The following ARHGEF7 variants were observed in gnomAD, a reference collection of about 807,000 sequenced individuals.
ARHGEF7 encodes PAK-interacting exchange factor beta.
ARHGEF7 carries 33 observed loss-of-function variants against 109.8 expected under a neutral mutation model. The ratio of observed to expected loss-of-function variants is 0.30; its 90% CI spans 0.23 to 0.40. The LOEUF (loss-of-function observed/expected upper bound fraction) is 0.40, where lower values mean the gene tolerates loss of function less well. Among genes scored for constraint, ARHGEF7 ranks in the 10% least tolerant of loss-of-function variants. The pLI is 1.00. For missense variants in ARHGEF7, 938 were observed against 1,098.5 expected, an observed-to-expected ratio of 0.85 and a Z score of 2.07; for synonymous variants, 458 against 424.6, an observed-to-expected ratio of 1.08 and a Z score of -0.97.
At chr13:111,172,026 C>T (rs963866840) in intron 2 of ARHGEF7, among the ~76,000 whole-genome samples, 1 of 152,160 alleles carries the variant, frequency 6.6e-6, no homozygotes, top group Admixed American at 6.5e-5. Context: ...ATGAGCCGCC[C>T]AGGTTATGGT....
intron 2 of ARHGEF7, among the ~76,000 whole-genome samples, chr13:111,176,548 C>T (rs1200325317): frequency 1.3e-5 from 2 of 152,164 alleles, no homozygotes; most frequent in Non-Finnish European, 2.9e-5. Flanking sequence ...ACCCACGTAG[C>T]CCCTGCCTGC....
rs553245500 is a variant in ARHGEF7, at chr13:111,152,639, G to A, written c.166-1266G>A. ...TTCCTGAGTAGCCTGGTGAAATGTCGTGATTTTCTCCTACAGTACAGAAGG... is the reference window on the plus strand; with the variant it reads ...TTCCTGAGTAGCCTGGTGAAATGTCATGATTTTCTCCTACAGTACAGAAGG... On this transcript the variant is annotated intron_variant, in intron 1 of 21. Coordinates refer to ENST00000646102, the MANE Select transcript of ARHGEF7 (RefSeq NM_001354046.2). Among the ~76,000 whole-genome samples the A allele has an allele frequency of 5.1e-4, 78 of 152,214 alleles. 7 individuals carry two copies. The highest frequency in any genetic ancestry group is 1.5e-5 in the Non-Finnish European group (1 of 68,010).
At position 111,175,574 on chromosome 13, in the gene ARHGEF7, G is replaced by T. The variant is rs551994039; in HGVS notation, c.252+21583G>T. 2.6e-5 allele frequency among the ~76,000 whole-genome samples: 4 copies of T among 152,328 alleles called. No homozygotes were observed. The East Asian group carries it at 7.7e-4, about 29-fold the overall frequency. On this transcript the variant is annotated intron_variant, in intron 2 of 21. Transcript: ENST00000646102. ...GGGGTGAGTGAGCTTTTGGGGGAAGGACTGGAGGCCCCAGGGGCGGGCCTC... is the reference window on the plus strand; with the variant it reads ...GGGGTGAGTGAGCTTTTGGGGGAAGTACTGGAGGCCCCAGGGGCGGGCCTC...
intron 18 of ARHGEF7, among the ~76,000 whole-genome samples, chr13:111,291,458 C>T (rs564854118): frequency 7.2e-5 from 11 of 152,376 alleles, no homozygotes; most frequent in Admixed American, 2.6e-4. Flanking sequence ...AGCTCCAGCG[C>T]GCCCTGGGAG....
rs2091620499 is a variant in ARHGEF7 at position 111,266,178 on chromosome 13, GAC to G, written c.951-1368_951-1367del. Among the ~76,000 whole-genome samples, 1 of 152,158 alleles carries G rather than the reference GAC, an allele frequency of 6.6e-6. No homozygotes were observed. Among genetic ancestry groups the G allele is most frequent in the African/African-American group, 2.4e-5 (1 of 41,436 alleles). ...AATGCTCACGGTTGACTCAGATGGA[GAC>G]AGTTAGAGGAAGCGATTTCCACCCC... On this transcript the variant is annotated intron_variant, in intron 8 of 21. Transcript: ENST00000646102. This position sits in a 1 kb window ranked among gnomAD's most constrained non-coding sequence, Gnocchi z 4.8.
In ARHGEF7 at chr13:111,274,671, T is replaced by C. The variant is rs75191927; in HGVS notation, c.1213-60T>C. On this transcript the variant is annotated intron_variant, in intron 10 of 21. Coordinates refer to ENST00000646102, the MANE Select transcript of ARHGEF7 (RefSeq NM_001354046.2). ...AAGTTTCAAGCTGGTCTGTAGAAAG[T>C]ACCTTTTTAAGAAAAGCTTTTCCTT... is the stretch of plus-strand genomic sequence containing the variant. 2.2e-4 allele frequency: 234 copies of C among 1,070,502 alleles called. No individual in the cohort carries two copies. The East Asian group carries it at 6.3e-3, about 29-fold the overall frequency. 66.3% of individuals were successfully genotyped at this position (1,070,502 alleles called of 1,614,324 possible).
At chr13:111,208,957 G>T (rs2082192229) in intron 3 of ARHGEF7, among the ~76,000 whole-genome samples, 1 of 152,204 alleles carries the variant, frequency 6.6e-6, no homozygotes, top group African/African-American at 2.4e-5. Context: ...CATCCTAAAT[G>T]TGTCAAGAGC....
intron 2 of ARHGEF7, among the ~76,000 whole-genome samples, chr13:111,161,396 G>A (rs925407104): frequency 1.3e-5 from 2 of 152,180 alleles, no homozygotes; most frequent in Admixed American, 6.5e-5. Flanking sequence ...CCCCTTTCCT[G>A]GGTTGCTGTC....
chr13:111,296,315 CAT>C (rs781490863), intron 19 of ARHGEF7, among the ~76,000 whole-genome samples: 5 of 152,200 alleles, frequency 3.3e-5, no homozygotes, highest in African/African-American at 1.2e-4. Context: ...TGTTAACACA[CAT>C]GTGTACCAGC....
intron 8 of ARHGEF7, among the ~76,000 whole-genome samples, chr13:111,248,212 T>C (rs1463471864): frequency 3.3e-5 from 5 of 152,180 alleles, no homozygotes; most frequent in African/African-American, 9.7e-5. Context: ...TTGAAGGATA[T>C]TGCTCCACTG....
chr13:111,238,562 ATATAAT>A (rs1226838096), intron 6 of ARHGEF7, among the ~76,000 whole-genome samples: 1 of 152,204 alleles, frequency 6.6e-6, no homozygotes, highest in Non-Finnish European at 1.5e-5. Flanking sequence ...TGGCCTGATC[ATATAAT>A]TAAAAGAGAC....
At position 111,241,409 on chromosome 13, in the gene ARHGEF7, C is replaced by T. The variant is rs1195312359; in HGVS notation, c.760-2463C>T. The T allele has an allele frequency of 1.2e-5, 18 of 1,477,972 alleles. No individual in the cohort carries two copies. In the Admixed American group the frequency reaches 1.6e-4, roughly 13 times the overall value. 91.6% of individuals were successfully genotyped at this position (1,477,972 alleles called of 1,614,324 possible). A position where few individuals can be genotyped will look rare whatever the true frequency, so the allele number is the denominator to read the frequency against. ...CTCCTGGCAGAGGGAGTGGGCACCCCAGCTGGAGTCAGGGAGCCAGGCCTG... is the reference window on the plus strand; with the variant it reads ...CTCCTGGCAGAGGGAGTGGGCACCCTAGCTGGAGTCAGGGAGCCAGGCCTG... On this transcript the variant is annotated intron_variant, in intron 6 of 21. Coordinates refer to ENST00000646102, the MANE Select transcript of ARHGEF7 (RefSeq NM_001354046.2).
At chr13:111,262,418 G>A (rs951887395) in intron 8 of ARHGEF7, among the ~76,000 whole-genome samples, 1 of 152,132 alleles carries the variant, frequency 6.6e-6, no homozygotes, top group Admixed American at 6.5e-5. Flanking sequence ...GTGTGCATGT[G>A]TGTGTGTGTG....
intron 4 of ARHGEF7, among the ~76,000 whole-genome samples, chr13:111,215,263 G>T (rs2082980095): frequency 6.6e-6 from 1 of 152,146 alleles, no homozygotes; most frequent in Non-Finnish European, 1.5e-5. Flanking sequence ...TAAGTTTGGT[G>T]TCCTGCGGGG....
At chr13:111,256,311 A>G (rs2090416402) in intron 8 of ARHGEF7, among the ~76,000 whole-genome samples, 1 of 152,202 alleles carries the variant, frequency 6.6e-6, no homozygotes, top group African/African-American at 2.4e-5. Context: ...AGGGAGGCAC[A>G]GTGATTGGAA....
intron 2 of ARHGEF7, among the ~76,000 whole-genome samples, chr13:111,178,959 TC>T (rs1200167044): frequency 4.0e-5 from 6 of 149,604 alleles, no homozygotes; most frequent in Non-Finnish European, 5.9e-5. Flanking sequence ...TAATGTGCCG[TC>T]CCCCCCCTTT....
At chr13:111,299,337 ATTT>A (rs936360326) in intron 19 of ARHGEF7, among the ~76,000 whole-genome samples, 2 of 106,092 alleles carry the variant, frequency 1.9e-5, no homozygotes, top group African/African-American at 7.1e-5. Context: ...GAAGCCATTC[ATTT>A]TTTTTTTTTT....
Position 111,221,341 on chromosome 13 carries a change from C to CTA in ARHGEF7, c.670+3469_670+3470dup, listed in dbSNP as rs1262974771. On this transcript the variant is annotated intron_variant, in intron 5 of 21. Coordinates refer to ENST00000646102, the MANE Select transcript of ARHGEF7 (RefSeq NM_001354046.2). ...TATAGATATATATGTCTATATATAT[C>CTA]TATATATATGTCTATATATATATCT... 5.3e-4 allele frequency among the ~76,000 whole-genome samples: 4 copies of CTA among 7,482 alleles called. 2 individuals carry two copies. The highest frequency in any genetic ancestry group is 0.026 in the East Asian group (2 of 78). 4.9% of individuals were successfully genotyped at this position (7,482 alleles called of 152,430 possible).
intron 1 of ARHGEF7, among the ~76,000 whole-genome samples, chr13:111,121,661 C>T (rs896933732): frequency 6.6e-6 from 1 of 152,248 alleles, no homozygotes; most frequent in Non-Finnish European, 1.5e-5. Context: ...AACTCTACCA[C>T]GTGCATCGCT....
Sources: allele counts gnomAD v4.1 joint callset (sites outside exome capture counted in the v4.1 genomes callset), GRCh38; gene constraint gnomAD v4.1.1; non-coding constraint Gnocchi (gnomAD v3.1); transcripts MANE v1.5; gene names NCBI Gene and HGNC (gene_info 2026-07-23, HGNC 2026-07-21).